Variants in TAFA2 observed in about 807,000 individuals in gnomAD.
TAFA2 encodes the protein chemokine-like protein TAFA-2.
In TAFA2, 7 loss-of-function variants were observed where a neutral mutation model predicts 18.8. The ratio of observed to expected loss-of-function variants is 0.37; its 90% CI spans 0.21 to 0.70. The LOEUF (loss-of-function observed/expected upper bound fraction) is 0.70. Among genes scored for constraint, TAFA2 ranks in the 30% least tolerant of loss-of-function variants. TAFA2 has a pLI of 0.53. For synonymous variants in TAFA2, 60 were observed against 54.2 expected (o/e 1.11, Z -0.47); for missense variants, 122 against 158.1 (o/e 0.77, Z 1.23).
intron 1 of TAFA2, among the ~76,000 whole-genome samples, chr12:62,073,966 T>C (rs964675486): frequency 6.6e-6 from 1 of 152,252 alleles, no homozygotes; most frequent in Non-Finnish European, 1.5e-5. Context: ...TGCCATAGTA[T>C]ACAATACAAA....
chr12:61,917,227 T>C (rs993047200), intron 1 of TAFA2, among the ~76,000 whole-genome samples: 12 of 152,190 alleles, frequency 7.9e-5, no homozygotes, highest in African/African-American at 2.9e-4. Flanking sequence ...AAAGCATTTG[T>C]GAAATAATAA....
chr12:62,157,111 C>T lies in TAFA2; in HGVS notation c.-2+34148G>A, dbSNP rs186732446. Among the ~76,000 whole-genome samples, 157 of 152,132 alleles carry T rather than the reference C, an allele frequency of 1.0e-3. 3 individuals are homozygous for T. In the South Asian group the frequency reaches 0.023, roughly 23 times the overall value. The stretch of plus-strand genomic sequence containing the variant: ...GAATTAAAATGCCTGAAGCACAATG[C>T]TCTTCAAAAAATGAAGGACAATAAT... On this transcript the variant is annotated intron_variant, in intron 1 of 4. Coordinates refer to ENST00000416284, the MANE Select transcript of TAFA2 (RefSeq NM_178539.5).
chr12:62,011,766 A>AG (rs11383882), intron 1 of TAFA2, among the ~76,000 whole-genome samples: 60,162 of 148,344 alleles, frequency 0.41, 12,756 homozygotes, highest in Non-Finnish European at 0.46. Flanking sequence ...AAAAAAAAAA[A>AG]AAAGAAAAGA....
chr12:62,204,366 G>T (rs1592399589), intron 1 of TAFA2, among the ~76,000 whole-genome samples: 1 of 152,096 alleles, frequency 6.6e-6, no homozygotes, highest in Non-Finnish European at 1.5e-5. Flanking sequence ...TGGATTTCGT[G>T]AATTTGAATG....
chr12:62,210,052 T>C (rs1349809581), intron 1 of TAFA2, among the ~76,000 whole-genome samples: 3 of 151,888 alleles, frequency 2.0e-5, no homozygotes, highest in South Asian at 2.1e-4. Context: ...TACAAAAAAT[T>C]AGCCGGGCGT....
intron 1 of TAFA2, among the ~76,000 whole-genome samples, chr12:61,941,198 C>G (rs1041354516): frequency 6.6e-6 from 1 of 151,808 alleles, no homozygotes; most frequent in Admixed American, 6.6e-5. Context: ...GAAAACAGTA[C>G]CAAAACAAAA....
chr12:61,784,574 T>C (rs1290088035), intron 2 of TAFA2, among the ~76,000 whole-genome samples: 2 of 151,470 alleles, frequency 1.3e-5, no homozygotes, highest in Non-Finnish European at 3.0e-5. Context: ...TAAGAAAATA[T>C]TTTAGAGACA....
intron 1 of TAFA2, among the ~76,000 whole-genome samples, chr12:62,158,710 T>C (rs1274335091): frequency 6.6e-6 from 1 of 152,252 alleles, no homozygotes; most frequent in African/African-American, 2.4e-5. Context: ...AACAAGTTTC[T>C]TTTTTAAAAG....
rs76847844 is a variant in TAFA2 at position 61,790,540 on chromosome 12, G to C, written c.107-35516C>G. On this transcript the variant is annotated intron_variant, in intron 2 of 4. Transcript: ENST00000416284. ...AAAACTGCAGCATACAAACTTAACA[G>C]CTAAAAATCAGTAGTGTTTTTATGC... Among the ~76,000 whole-genome samples, 481 of 151,850 alleles carry C rather than the reference G, an allele frequency of 3.2e-3. 3 individuals carry two copies. Among genetic ancestry groups the C allele is most frequent in the Middle Eastern group, 0.01 (3 of 294 alleles).
At chr12:62,042,224 T>C (rs942985352) in intron 1 of TAFA2, among the ~76,000 whole-genome samples, 5 of 151,942 alleles carry the variant, frequency 3.3e-5, no homozygotes, top group African/African-American at 1.2e-4. Flanking sequence ...ACGTAAATAC[T>C]CAACTCTGCT....
At position 61,897,368 on chromosome 12, in the gene TAFA2, C is replaced by G. The variant is rs560130554; in HGVS notation, c.-1-29942G>C. Among the ~76,000 whole-genome samples, 8 of 152,186 alleles carry G rather than the reference C, an allele frequency of 5.3e-5. No homozygotes were observed. In the South Asian group the frequency reaches 1.2e-3, roughly 24 times the overall value. On this transcript the variant is annotated intron_variant, in intron 1 of 4. Transcript: ENST00000416284. ...CAGGATATATCTGTAGGTTCCGCAA[C>G]CATGATATAGTAGTCCATTTTCACA...
intron 1 of TAFA2, among the ~76,000 whole-genome samples, chr12:62,240,600 T>C (rs2062858302): frequency 6.6e-6 from 1 of 152,198 alleles, no homozygotes. Flanking sequence ...TTGGGAATCA[T>C]GACAACTAGT....
At chr12:61,870,320 T>G (rs750202396) in intron 1 of TAFA2, among the ~76,000 whole-genome samples, 3 of 152,216 alleles carry the variant, frequency 2.0e-5, no homozygotes, top group Non-Finnish European at 4.4e-5. Context: ...CACAGCATCC[T>G]AACTGGACAT....
chr12:61,955,808 A>C (rs995125864), intron 1 of TAFA2, among the ~76,000 whole-genome samples: 3 of 151,528 alleles, frequency 2.0e-5, no homozygotes, highest in South Asian at 2.1e-4. Context: ...CACAATGAAC[A>C]TAACAGTGAA....
chr12:61,921,696 A>G (rs1049444398), intron 1 of TAFA2, among the ~76,000 whole-genome samples: 1 of 152,202 alleles, frequency 6.6e-6, no homozygotes, highest in Admixed American at 6.5e-5. Context: ...TAAATGAGGA[A>G]TTGAAAATAA....
intron 1 of TAFA2, among the ~76,000 whole-genome samples, chr12:62,043,954 C>G (rs1449888119): frequency 2.6e-5 from 4 of 152,110 alleles, no homozygotes; most frequent in Non-Finnish European, 4.4e-5. Flanking sequence ...ACAAGTGGCA[C>G]TTGTTCTAAC....
intron 1 of TAFA2, among the ~76,000 whole-genome samples, chr12:61,883,699 T>A (rs947866922): frequency 6.6e-6 from 1 of 152,178 alleles, no homozygotes; most frequent in East Asian, 1.9e-4. Context: ...TGACCAATAA[T>A]GCAAAGCACC....
intron 2 of TAFA2, among the ~76,000 whole-genome samples, chr12:61,813,717 G>T (rs1871966094): frequency 6.6e-6 from 1 of 151,380 alleles, no homozygotes; most frequent in African/African-American, 2.5e-5. Context: ...TAAGAATATG[G>T]ACTCTACAGT....
intron 2 of TAFA2, among the ~76,000 whole-genome samples, chr12:61,768,797 A>G (rs1318976838): frequency 6.6e-6 from 1 of 152,076 alleles, no homozygotes; most frequent in Non-Finnish European, 1.5e-5. Flanking sequence ...TTTTGTAACA[A>G]TTTTGACTGA....
Sources: gnomAD v4.1 joint callset for allele counts (sites outside exome capture counted in the v4.1 genomes callset) on GRCh38, gnomAD v4.1.1 for gene constraint, MANE v1.5 for transcripts, NCBI Gene and HGNC (gene_info 2026-07-23, HGNC 2026-07-21) for gene names.